The following TMEM242 variants were observed in gnomAD, a reference collection of about 807,000 sequenced individuals.
TMEM242 encodes UPF0463 transmembrane protein C6orf35.
Under a neutral mutation model 18.2 loss-of-function variants are expected in TMEM242, and 10 were observed. That is an observed-to-expected ratio of 0.55 (90% CI 0.34 to 0.93). The LOEUF is 0.93. Ranked by LOEUF, TMEM242 falls within the 40% of genes least tolerant of loss-of-function variation. The pLI is 0.02. For missense variants in TMEM242, 186 were observed against 175.5 expected, an observed-to-expected ratio of 1.06 and a Z score of -0.34; for synonymous variants, 57 against 69.9, an observed-to-expected ratio of 0.81 and a Z score of 0.92.
intron 3 of TMEM242, among the ~76,000 whole-genome samples, chr6:157,298,193 A>G (rs1311509349): frequency 6.6e-6 from 1 of 152,258 alleles, no homozygotes; most frequent in Non-Finnish European, 1.5e-5. Context: ...GATCCTGCTC[A>G]GTAAGAACAA....
rs587699383 is a variant in TMEM242, at chr6:157,316,603, C to T, written c.327+2179G>A. ...CAAAAATCAAGGTGAGGGCCAGGTG[C>T]AGTGGCTCACACCTTTAATCCCAGC... On this transcript the variant is annotated intron_variant, in intron 3 of 3. Transcript: ENST00000400788. 3.9e-5 allele frequency among the ~76,000 whole-genome samples: 6 copies of T among 152,258 alleles called. No individual in the cohort carries two copies. The East Asian group carries it at 1.2e-3, about 29-fold the overall frequency.
At chr6:157,293,056 T>A in intron 3 of TMEM242, 57 bp from the exon 4 acceptor site, 1 of 1,341,420 alleles carries the variant, frequency 7.5e-7, no homozygotes, top group Admixed American at 1.7e-5. Flanking sequence ...AAAACAGCTA[T>A]TAGAGATGGC....
chr6:157,314,987 C>T (rs781929802), intron 3 of TMEM242, among the ~76,000 whole-genome samples: 4 of 152,166 alleles, frequency 2.6e-5, no homozygotes, highest in Non-Finnish European at 5.9e-5. Flanking sequence ...TCAATTCGAG[C>T]TAGCTACTTA....
chr6:157,319,020 T>C (rs1778453798), intron 2 of TMEM242, 101 bp from the exon 3 acceptor site: 1 of 1,256,722 alleles, frequency 8.0e-7, no homozygotes, highest in East Asian at 2.7e-5. Flanking sequence ...CAACATGATA[T>C]TAGGAAGCTA....
At chr6:157,320,005 T>C (rs782490433) in intron 2 of TMEM242, among the ~76,000 whole-genome samples, 1 of 152,166 alleles carries the variant, frequency 6.6e-6, no homozygotes, top group Non-Finnish European at 1.5e-5. Context: ...ATATTAGATA[T>C]TATCAATGTT....
chr6:157,294,341 T>C (rs1554247066), intron 3 of TMEM242, among the ~76,000 whole-genome samples: 1 of 148,990 alleles, frequency 6.7e-6, no homozygotes, highest in African/African-American at 2.5e-5. Context: ...AACATGCAAG[T>C]CATTTCTTTT....
intron 3 of TMEM242, among the ~76,000 whole-genome samples, chr6:157,294,452 G>A (rs1309088275): frequency 1.4e-5 from 2 of 144,732 alleles, no homozygotes; most frequent in Non-Finnish European, 3.0e-5. Flanking sequence ...CCGGGTTCAC[G>A]CCATTCTCCT....
At position 157,292,527 on chromosome 6, in the gene TMEM242, A is replaced by C. The variant is rs1440762188; in HGVS notation, c.*374T>G. 6.2e-6 allele frequency: 1 copy of C among 161,968 alleles called. No individual in the cohort carries two copies. Among genetic ancestry groups the C allele is most frequent in the Non-Finnish European group, 1.3e-5 (1 of 74,412 alleles). 10.0% of individuals were successfully genotyped at this position (161,968 alleles called of 1,614,324 possible). A position where few individuals can be genotyped will look rare whatever the true frequency, so the allele number is the denominator to read the frequency against. ...AAACTCCTTTAATTAGACACATTGC[A>C]GTACTATTGCTATTAGGGGGTCTGT... On this transcript the variant is annotated 3_prime_UTR_variant, in exon 4 of 4. Transcript: ENST00000400788.
At chr6:157,307,657 G>C (rs1777934144) in intron 3 of TMEM242, among the ~76,000 whole-genome samples, 1 of 152,198 alleles carries the variant, frequency 6.6e-6, no homozygotes, top group African/African-American at 2.4e-5. Context: ...AAGAGTTATA[G>C]AGATGTTCTT....
chr6:157,318,428 GC>G (rs1353485092), intron 3 of TMEM242: 1 of 284,954 alleles, frequency 3.5e-6, no homozygotes, highest in Non-Finnish European at 6.4e-6. Context: ...TCTTTACATT[GC>G]CCAGGCTGGT....
chr6:157,313,068 G>T (rs78244059), intron 3 of TMEM242, among the ~76,000 whole-genome samples: 1 of 149,122 alleles, frequency 6.7e-6, no homozygotes, highest in African/African-American at 2.5e-5. Context: ...TCATCATAGG[G>T]TCCCAGTATG....
chr6:157,295,041 C>T (rs587684937), intron 3 of TMEM242, among the ~76,000 whole-genome samples: 1 of 152,304 alleles, frequency 6.6e-6, no homozygotes, highest in African/African-American at 2.4e-5. Flanking sequence ...GCTGTATTAT[C>T]GACATATGTG....
chr6:157,297,785 G>A (rs587655011), intron 3 of TMEM242, among the ~76,000 whole-genome samples: 2 of 152,170 alleles, frequency 1.3e-5, no homozygotes, highest in Non-Finnish European at 1.5e-5. Flanking sequence ...TGGATCCTGA[G>A]ATGAAATGTA....
intron 3 of TMEM242, among the ~76,000 whole-genome samples, chr6:157,296,289 T>C (rs1554247173): frequency 1.3e-5 from 2 of 152,196 alleles, no homozygotes; most frequent in Non-Finnish European, 2.9e-5. Context: ...TTCTCTCTTC[T>C]TTCCTCTGAC....
At position 157,294,347 on chromosome 6, in the gene TMEM242, C is replaced by CTTT. The variant is rs587765277; in HGVS notation, c.328-1351_328-1349dup. The stretch of plus-strand genomic sequence containing the variant: ...CTCATATGCAACATGCAAGTCATTT[C>CTTT]TTTTTTTTTTTTTTTTTTTTTGAGA... On this transcript the variant is annotated intron_variant, in intron 3 of 3. Coordinates refer to ENST00000400788, the MANE Select transcript of TMEM242 (RefSeq NM_018452.6). 5.4e-3 allele frequency among the ~76,000 whole-genome samples: 622 copies of CTTT among 115,232 alleles called. 20 individuals are homozygous for CTTT. Among genetic ancestry groups the CTTT allele is most frequent in the African/African-American group, 0.019 (554 of 29,126 alleles). 75.6% of individuals were successfully genotyped at this position (115,232 alleles called of 152,430 possible).
intron 3 of TMEM242, among the ~76,000 whole-genome samples, chr6:157,310,723 TAGCC>T (rs1562382150): frequency 1.3e-5 from 1 of 75,898 alleles, no homozygotes; most frequent in East Asian, 5.5e-4. Flanking sequence ...TGCACTCAGC[TAGCC>T]TCATCATAGT....
Position 157,290,582 on chromosome 6 carries a change from C to T in TMEM242, c.*2319G>A, listed in dbSNP as rs1429272422. On this transcript the variant is annotated 3_prime_UTR_variant, in exon 4 of 4. Coordinates refer to ENST00000400788, the MANE Select transcript of TMEM242 (RefSeq NM_018452.6). ...CTCATAAAGAATAACATTATCTGTT[C>T]AACATTTTTCCTTTCCATTAACCAA... 1 of 152,176 alleles carries T rather than the reference C, an allele frequency of 6.6e-6. No individual in the cohort carries two copies. Among genetic ancestry groups the T allele is most frequent in the Non-Finnish European group, 1.5e-5 (1 of 68,036 alleles). 9.4% of individuals were successfully genotyped at this position (152,176 alleles called of 1,614,324 possible).
At chr6:157,306,779 A>T (rs1777923384) in intron 3 of TMEM242, among the ~76,000 whole-genome samples, 1 of 152,238 alleles carries the variant, frequency 6.6e-6, no homozygotes, top group African/African-American at 2.4e-5. Flanking sequence ...GAAAACTCAT[A>T]AAAAGAATAA....
At chr6:157,315,902 T>C (rs1356463819) in intron 3 of TMEM242, among the ~76,000 whole-genome samples, 5 of 152,220 alleles carry the variant, frequency 3.3e-5, no homozygotes, top group East Asian at 1.9e-4. Flanking sequence ...TTGTATTTAA[T>C]GTATGTGTTC....
Sources: allele counts gnomAD v4.1 joint callset (sites outside exome capture counted in the v4.1 genomes callset), GRCh38; gene constraint gnomAD v4.1.1; transcripts MANE v1.5; gene names NCBI Gene and HGNC (gene_info 2026-07-23, HGNC 2026-07-21).